Variants in KCNAB1 observed in about 807,000 individuals in gnomAD.
KCNAB1 encodes potassium voltage-gated channel subfamily A regulatory beta subunit 1, also known as voltage-gated potassium channel subunit beta-1.
A neutral mutation model predicts 64.6 loss-of-function variants in KCNAB1; 35 were observed. The ratio of observed to expected loss-of-function variants is 0.54; its 90% CI spans 0.41 to 0.72. The LOEUF (loss-of-function observed/expected upper bound fraction) is 0.72. KCNAB1 is among the 30% of genes least tolerant of loss of function. KCNAB1 has a pLI of 0.00. For missense variants in KCNAB1, 401 were observed against 512.9 expected (o/e 0.78, Z 2.11); for synonymous variants, 177 against 183.8 (o/e 0.96, Z 0.30).
intron 8 of KCNAB1, among the ~76,000 whole-genome samples, chr3:156,485,653 C>T (rs1426401588): frequency 1.3e-5 from 2 of 151,902 alleles, no homozygotes; most frequent in Non-Finnish European, 2.9e-5. Context: ...GGGTATATTA[C>T]ATAATGCTGA....
At position 156,474,793 on chromosome 3, in the gene KCNAB1, C is replaced by A. The variant is rs1325667983; in HGVS notation, c.631C>A (p.Arg211=). The part of the protein sequence containing the change: ...LEYVDVVFAN[R]PDSNTPMEEI... ...GTATGTGGATGTGGTCTTTGCAAAT[C>A]GACCGGACAGTAACACTCCCATGGA... Residue 211 remains arginine (R), a synonymous_variant, in exon 8 of 14, where the codon CGA becomes AGA. Coordinates refer to ENST00000490337, the MANE Select transcript of KCNAB1 (RefSeq NM_172160.3). 3 of 1,612,916 alleles carry A rather than the reference C, an allele frequency of 1.9e-6. No individual in the cohort carries two copies. Among genetic ancestry groups the A allele is most frequent in the Admixed American group, 1.7e-5 (1 of 59,946 alleles).
chr3:156,360,176 A>G lies in KCNAB1; in HGVS notation c.276-61440A>G, dbSNP rs546821946. Among the ~76,000 whole-genome samples, 99 of 152,372 alleles carry G rather than the reference A, an allele frequency of 6.5e-4. 1 individual carries two copies. Among genetic ancestry groups the G allele is most frequent in the South Asian group, 2.7e-3 (13 of 4,832 alleles). On this transcript the variant is annotated intron_variant, in intron 1 of 13. Transcript: ENST00000490337. ...CAGTATATTACCATATTCAAAAATT[A>G]TGTAAATTTTGTAATCAACTAGTCA...
intron 1 of KCNAB1, among the ~76,000 whole-genome samples, chr3:156,338,699 T>C (rs144673056): frequency 2.6e-5 from 4 of 152,298 alleles, no homozygotes; most frequent in Admixed American, 6.5e-5. Flanking sequence ...AACAGACCCA[T>C]TGGGTCTCTA....
At chr3:156,460,684 A>T (rs1712834225) in intron 5 of KCNAB1, 2 of 152,246 alleles carry the variant, frequency 1.3e-5, no homozygotes, top group Admixed American at 1.3e-4. Context: ...GATATTAGTG[A>T]AGACAACTGT....
intron 1 of KCNAB1, among the ~76,000 whole-genome samples, chr3:156,246,883 A>G (rs1468588845): frequency 6.6e-6 from 1 of 152,128 alleles, no homozygotes; most frequent in African/African-American, 2.4e-5. Flanking sequence ...TTTTTTGTGT[A>G]AGTGCTCTGT....
chr3:156,135,515 C>G (rs2108270709), intron 1 of KCNAB1, among the ~76,000 whole-genome samples: 1 of 152,224 alleles, frequency 6.6e-6, no homozygotes, highest in Middle Eastern at 3.4e-3. Flanking sequence ...ATTTGTAAAA[C>G]AAGATAATTA....
At chr3:156,436,411 T>C (rs1716588620) in intron 2 of KCNAB1, among the ~76,000 whole-genome samples, 1 of 152,240 alleles carries the variant, frequency 6.6e-6, no homozygotes, top group Non-Finnish European at 1.5e-5. Flanking sequence ...GAATAATTTA[T>C]ATTCCTTTGG....
intron 1 of KCNAB1, among the ~76,000 whole-genome samples, chr3:156,183,806 C>A (rs1362281306): frequency 6.6e-6 from 1 of 152,180 alleles, no homozygotes; most frequent in African/African-American, 2.4e-5. Flanking sequence ...CCATCTGGGC[C>A]TCCCAGGGTC....
At position 156,141,047 on chromosome 3, in the gene KCNAB1, A is replaced by G. The variant is rs148486612; in HGVS notation, c.275+20161A>G. ...CATGTGGTGGAAAAACCCATATGTG[A>G]GGAGTTTCTTTGCTTTTTTTTTTTT... On this transcript the variant is annotated intron_variant, in intron 1 of 13. Coordinates refer to ENST00000490337, the MANE Select transcript of KCNAB1 (RefSeq NM_172160.3). 2.2e-4 allele frequency among the ~76,000 whole-genome samples: 34 copies of G among 151,872 alleles called. No homozygotes were observed. In the East Asian group the frequency reaches 6.2e-3, roughly 28 times the overall value.
chr3:156,520,873 A>T (rs1717899333), intron 11 of KCNAB1, among the ~76,000 whole-genome samples: 2 of 152,224 alleles, frequency 1.3e-5, no homozygotes. Context: ...GACAGTGTTC[A>T]GAACTGAAAT....
intron 1 of KCNAB1, among the ~76,000 whole-genome samples, chr3:156,221,781 C>A (rs899930213): frequency 2.7e-5 from 4 of 147,652 alleles, no homozygotes; most frequent in Non-Finnish European, 3.0e-5. Context: ...TCCATCCCCC[C>A]CCGCCAAAAA....
intron 1 of KCNAB1, among the ~76,000 whole-genome samples, chr3:156,225,747 A>G (rs1350550806): frequency 6.6e-6 from 1 of 152,236 alleles, no homozygotes; most frequent in Non-Finnish European, 1.5e-5. Flanking sequence ...ATTAATGCAC[A>G]CAAATCAGTA....
At chr3:156,118,354 T>G (rs761901906), upstream of KCNAB1, 11 of 454,970 alleles carry the variant, frequency 2.4e-5, no homozygotes, top group African/African-American at 4.0e-5. Flanking sequence ...TCAGGTTCCT[T>G]ACAGAATGAA....
At chr3:156,370,713 C>T (rs1336028905) in intron 1 of KCNAB1, among the ~76,000 whole-genome samples, 2 of 152,130 alleles carry the variant, frequency 1.3e-5, no homozygotes, top group African/African-American at 2.4e-5. Context: ...ACTGTTGTGC[C>T]GAACTTCTGT....
intron 1 of KCNAB1, among the ~76,000 whole-genome samples, chr3:156,387,849 C>A (rs1489660150): frequency 6.6e-6 from 1 of 152,006 alleles, no homozygotes; most frequent in Non-Finnish European, 1.5e-5. Flanking sequence ...AAATCCAAAC[C>A]ATTATAGAAG....
chr3:156,471,203 C>A (rs1713861798), intron 7 of KCNAB1, among the ~76,000 whole-genome samples: 1 of 152,148 alleles, frequency 6.6e-6, no homozygotes, highest in South Asian at 2.1e-4. Context: ...CAGTGAACAC[C>A]CCATCCACCT....
At chr3:156,238,712 T>C (rs1211705192) in intron 1 of KCNAB1, among the ~76,000 whole-genome samples, 2 of 152,210 alleles carry the variant, frequency 1.3e-5, no homozygotes, top group Non-Finnish European at 2.9e-5. Context: ...ATAACATGAG[T>C]AATTTTTCTA....
At chr3:156,441,726 T>C (rs1259211564) in intron 2 of KCNAB1, among the ~76,000 whole-genome samples, 1 of 152,178 alleles carries the variant, frequency 6.6e-6, no homozygotes, top group Non-Finnish European at 1.5e-5. Context: ...GCAAAATTAC[T>C]AGGGCATAAC....
At chr3:156,345,959 T>C (rs1724455137) in intron 1 of KCNAB1, among the ~76,000 whole-genome samples, 1 of 152,140 alleles carries the variant, frequency 6.6e-6, no homozygotes, top group Non-Finnish European at 1.5e-5. Context: ...TTTGGAGCCA[T>C]CTCATTGTTC....
Sources: gnomAD v4.1 joint callset for allele counts (sites outside exome capture counted in the v4.1 genomes callset) on GRCh38, gnomAD v4.1.1 for gene constraint, MANE v1.5 for transcripts, NCBI Gene and HGNC (gene_info 2026-07-23, HGNC 2026-07-21) for gene names.